The following RYR3 variants were observed in gnomAD, a reference collection of about 807,000 sequenced individuals.
The protein encoded by RYR3 is ryanodine receptor 3.
Under a neutral mutation model 584.3 loss-of-function variants are expected in RYR3, and 207 were observed. The observed-to-expected ratio is 0.35, with a 90% CI of 0.32 to 0.40. The LOEUF (loss-of-function observed/expected upper bound fraction) is 0.40, where lower values mean the gene tolerates loss of function less well. RYR3 is among the 10% of genes least tolerant of loss of function. The pLI, the probability that RYR3 is intolerant of heterozygous loss-of-function variation, is 1.00. For missense variants in RYR3, 5,616 were observed against 6,089.2 expected, an observed-to-expected ratio of 0.92 and a Z score of 2.59; for synonymous variants, 2,416 against 2,248.5, an observed-to-expected ratio of 1.07 and a Z score of -2.11.
At chr15:33,482,069 T>A (rs2050024452) in intron 2 of RYR3, among the ~76,000 whole-genome samples, 1 of 152,156 alleles carries the variant, frequency 6.6e-6, no homozygotes, top group Admixed American at 6.5e-5. Context: ...GATTTCTATC[T>A]GGTAGCATTT....
intron 1 of RYR3, among the ~76,000 whole-genome samples, chr15:33,360,642 T>C (rs892328113): frequency 6.6e-6 from 1 of 152,218 alleles, no homozygotes; most frequent in South Asian, 2.1e-4. Context: ...AATACCTAGA[T>C]ATGGCTTAAA....
chr15:33,442,730 T>A (rs2046333620), intron 1 of RYR3, among the ~76,000 whole-genome samples: 2 of 152,250 alleles, frequency 1.3e-5, no homozygotes, highest in East Asian at 3.8e-4. Flanking sequence ...TTCATTTATC[T>A]GGAGGGCACT....
chr15:33,550,456 C>T, intron 10 of RYR3, 140 bp downstream of exon 10: 1 of 750,788 alleles, frequency 1.3e-6, no homozygotes, highest in South Asian at 2.0e-5. Context: ...TAAACACTTT[C>T]TTCTTTTATC....
intron 101 of RYR3, 48 bp from the exon 102 acceptor site, chr15:33,861,030 G>C: frequency 7.5e-7 from 1 of 1,327,490 alleles, no homozygotes; most frequent in Non-Finnish European, 1.1e-6. Flanking sequence ...TTTCTCTCCT[G>C]CCTATATTAT....
chr15:33,548,099 A>T, intron 8 of RYR3, 31 bp from the exon 9 acceptor site: 1 of 1,548,940 alleles, frequency 6.5e-7, no homozygotes. Context: ...GTGTCATGCA[A>T]GTAGGAGCTG....
chr15:33,767,501 A>G (rs1400231080), intron 60 of RYR3, among the ~76,000 whole-genome samples: 1 of 143,130 alleles, frequency 7.0e-6, no homozygotes, highest in East Asian at 2.1e-4. Context: ...TCCAGTAGAC[A>G]GTCCAAAAAG....
chr15:33,851,782 C>G (rs1407213078), intron 94 of RYR3: 3 of 152,078 alleles, frequency 2.0e-5, no homozygotes, highest in Admixed American at 6.5e-5. Context: ...AAGGAGGTAT[C>G]AGTGTGGCAG....
chr15:33,721,531 C>T (rs972818935), intron 43 of RYR3, among the ~76,000 whole-genome samples: 2 of 152,110 alleles, frequency 1.3e-5, no homozygotes, highest in African/African-American at 2.4e-5. Flanking sequence ...CCAAGAAATA[C>T]CTAGGGTATT....
chr15:33,830,412 A>G (rs138039783), intron 85 of RYR3, among the ~76,000 whole-genome samples: 40 of 152,362 alleles, frequency 2.6e-4, no homozygotes, highest in African/African-American at 9.1e-4. Flanking sequence ...TGGCACGTAC[A>G]TTGTTTTTTA....
In RYR3 at chr15:33,701,001, C is replaced by T; in HGVS notation, c.6404C>T (p.Thr2135Ile). 1 of 1,613,408 alleles carries T rather than the reference C, an allele frequency of 6.2e-7. No homozygotes were observed. The highest frequency in any genetic ancestry group is 8.5e-7 in the Non-Finnish European group (1 of 1,179,630). The change falls in exon 42 of 104, where the codon ACC becomes ATC. Residue 2135 changes from threonine (T) to isoleucine (I), a missense_variant. Thr to Ile is a moderately conservative substitution (Grantham distance 89). Transcript: ENST00000634891. ...GLASPSMRGS[T>I]PLDVAASSVM... ...GCCTCCCCGTCGATGAGGGGATCCA[C>T]CCCGCTGGATGTGGCAGCTTCCTCT...
chr15:33,733,961 T>G (rs1400974120), intron 48 of RYR3, among the ~76,000 whole-genome samples: 2 of 152,222 alleles, frequency 1.3e-5, no homozygotes, highest in East Asian at 3.8e-4. Context: ...ATGCTTATAT[T>G]TCAAATATAA....
chr15:33,768,484 ACAC>A (rs2073291975), intron 60 of RYR3, among the ~76,000 whole-genome samples, 171 bp from the exon 61 acceptor site: 1 of 152,224 alleles, frequency 6.6e-6, no homozygotes, highest in South Asian at 2.1e-4. Flanking sequence ...AGTGTGAACC[ACAC>A]ATGTTCCTGA....
intron 85 of RYR3, among the ~76,000 whole-genome samples, chr15:33,827,755 AT>A (rs200719776): frequency 6.6e-6 from 1 of 152,166 alleles, no homozygotes; most frequent in Non-Finnish European, 1.5e-5. Flanking sequence ...ACAAAAAGGG[AT>A]TTTTTTCCTC....
chr15:33,376,903 G>A (rs948918513), intron 1 of RYR3, among the ~76,000 whole-genome samples: 2 of 152,114 alleles, frequency 1.3e-5, no homozygotes, highest in African/African-American at 4.8e-5. Context: ...GAATTCCTTG[G>A]TGCCTTTATT....
At chr15:33,699,017 C>A (rs1014863227) in intron 40 of RYR3, among the ~76,000 whole-genome samples, 20 of 152,278 alleles carry the variant, frequency 1.3e-4, no homozygotes, top group African/African-American at 4.6e-4. Flanking sequence ...TGTAAGATGG[C>A]ATCTTCATGC....
intron 103 of RYR3, 125 bp downstream of exon 103, chr15:33,864,314 C>T (rs1362887245): frequency 9.6e-6 from 7 of 732,664 alleles, no homozygotes; most frequent in Non-Finnish European, 1.3e-5. Flanking sequence ...ATTTTCCCAT[C>T]ACCTTTTTGT....
chr15:33,500,569 C>G (rs1188226880), intron 2 of RYR3, among the ~76,000 whole-genome samples: 1 of 152,120 alleles, frequency 6.6e-6, no homozygotes, highest in Non-Finnish European at 1.5e-5. Flanking sequence ...TAGTGCTTCT[C>G]TAGGTTCAGG....
At chr15:33,526,893 T>C (rs893095188) in intron 3 of RYR3, among the ~76,000 whole-genome samples, 3 of 152,180 alleles carry the variant, frequency 2.0e-5, no homozygotes, top group African/African-American at 7.2e-5. Context: ...TTAGAAGACT[T>C]GACCAGAGAA....
At chr15:33,511,288 A>G (rs2052971264) in intron 3 of RYR3, among the ~76,000 whole-genome samples, 1 of 151,350 alleles carries the variant, frequency 6.6e-6, no homozygotes, top group Non-Finnish European at 1.5e-5. Flanking sequence ...AGATAACAAA[A>G]TATTTACCAG....
Sources: gnomAD v4.1 joint callset for allele counts (sites outside exome capture counted in the v4.1 genomes callset) on GRCh38, gnomAD v4.1.1 for gene constraint, MANE v1.5 for transcripts, NCBI Gene and HGNC (gene_info 2026-07-23, HGNC 2026-07-21) for gene names.